The following MAP9 variants were observed in gnomAD, a reference collection of about 807,000 sequenced individuals.
MAP9 encodes microtubule-associated protein 9.
MAP9 carries 80 observed loss-of-function variants against 75.2 expected under a neutral mutation model. The ratio of observed to expected loss-of-function variants is 1.06; its 90% CI spans 0.89 to 1.28. MAP9 has a LOEUF of 1.28. MAP9 is among the 50% of genes most tolerant of loss of function. MAP9 has a pLI of 0.00. For synonymous variants in MAP9, 235 were observed against 237.3 expected, an observed-to-expected ratio of 0.99 and a Z score of 0.09; for missense variants, 753 against 719.9, an observed-to-expected ratio of 1.05 and a Z score of -0.53.
chr4:155,373,100 C>A, intron 4 of MAP9, 36 bp downstream of exon 4: 1 of 1,375,260 alleles, frequency 7.3e-7, no homozygotes, highest in South Asian at 1.5e-5. Context: ...AAATAAACTT[C>A]CAAGAAATGC....
intron 13 of MAP9, 44 bp downstream of exon 13, chr4:155,352,552 A>G: frequency 6.5e-7 from 1 of 1,549,784 alleles, no homozygotes; most frequent in Non-Finnish European, 8.7e-7. Flanking sequence ...AAGACACAAA[A>G]GGTACATGAA....
At chr4:155,351,264 A>G (rs1267863065) in intron 13 of MAP9, 1 of 151,944 alleles carries the variant, frequency 6.6e-6, no homozygotes, top group Non-Finnish European at 1.5e-5. Flanking sequence ...GCTACTTTAT[A>G]AAGGATACAT....
At chr4:155,368,463 A>AG (rs764727283) in intron 5 of MAP9, 123 bp downstream of exon 5, 1 of 774,524 alleles carries the variant, frequency 1.3e-6, no homozygotes, top group Non-Finnish European at 2.2e-6. Flanking sequence ...TATCAGTTGC[A>AG]GAAGAAAGTA....
chr4:155,351,066 C>T (rs1384746584), intron 13 of MAP9: 4 of 151,698 alleles, frequency 2.6e-5, no homozygotes, highest in African/African-American at 7.3e-5. Context: ...GTCAGAAAGA[C>T]TGTGAAAGAA....
At chr4:155,374,362 A>C (rs201832753) in intron 3 of MAP9, among the ~76,000 whole-genome samples, 1 of 149,508 alleles carries the variant, frequency 6.7e-6, no homozygotes, top group Non-Finnish European at 1.5e-5. Flanking sequence ...AACAAACAAA[A>C]ACACCAAGTT....
chr4:155,375,511 A>T (rs1732801078), intron 2 of MAP9, among the ~76,000 whole-genome samples: 1 of 152,104 alleles, frequency 6.6e-6, no homozygotes, highest in Non-Finnish European at 1.5e-5. Flanking sequence ...CAGAAAAAAA[A>T]GTTTTTATAT....
In MAP9 at chr4:155,373,302, C is replaced by T; in HGVS notation, c.315G>A (p.Glu105=). 6.2e-7 allele frequency: 1 copy of T among 1,613,802 alleles called. No individual in the cohort carries two copies. The highest frequency in any genetic ancestry group is 8.5e-7 in the Non-Finnish European group (1 of 1,179,912). Residue 105 remains glutamate (E), a synonymous_variant, in exon 4 of 14, where the codon GAG becomes GAA. Coordinates refer to ENST00000311277, the MANE Select transcript of MAP9 (RefSeq NM_001039580.2). The part of the protein sequence containing the change: ...NKSNGNITKD[E]PVCAIKNEEE... ...CTTCATTTTTGATGGCACACACTGGCTCATCTTTGGTTATGTTACCGTTTG... is the reference window on the plus strand; with the variant it reads ...CTTCATTTTTGATGGCACACACTGGTTCATCTTTGGTTATGTTACCGTTTG...
At chr4:155,362,502 C>G (rs1335153655) in intron 5 of MAP9, 1 of 162,432 alleles carries the variant, frequency 6.2e-6, no homozygotes, top group Non-Finnish European at 1.3e-5. Context: ...CTACAATTAT[C>G]CTTTGAAGGA....
chr4:155,350,673 C>G (rs375870241), intron 13 of MAP9, among the ~76,000 whole-genome samples: 48 of 151,798 alleles, frequency 3.2e-4, no homozygotes, highest in African/African-American at 1.1e-3. Flanking sequence ...CAAAATTGAA[C>G]CAATTTTGAT....
rs1180808382 is a variant in MAP9, at chr4:155,344,889, A to T, written c.*2894T>A. ...AAGTAATGTTTTAAAATATTCATAA[A>T]ATTTGTTTTCTTTACTTTGAGATCT... is the stretch of plus-strand genomic sequence containing the variant. On this transcript the variant is annotated 3_prime_UTR_variant, in exon 14 of 14. Transcript: ENST00000311277. The T allele has an allele frequency of 6.6e-6, 1 of 151,956 alleles. No homozygotes were observed. The highest frequency in any genetic ancestry group is 6.6e-5 in the Admixed American group (1 of 15,230). The allele number at this position is 151,956 out of a possible 1,614,324, so 9.4% of individuals were successfully genotyped here.
intron 13 of MAP9, 26 bp downstream of exon 13, chr4:155,352,569 GA>G: frequency 5.3e-6 from 8 of 1,519,732 alleles, no homozygotes; most frequent in Non-Finnish European, 7.1e-6. Context: ...TGAAAAAGAC[GA>G]AAGTGCATTG....
chr4:155,365,293 T>C (rs905352375), intron 5 of MAP9, among the ~76,000 whole-genome samples: 4 of 151,934 alleles, frequency 2.6e-5, no homozygotes, highest in African/African-American at 9.7e-5. Flanking sequence ...TTACCAGAGG[T>C]AGAGACGTTT....
rs1731256466 is a variant in MAP9 at position 155,345,594 on chromosome 4, G to A, written c.*2189C>T. 6.6e-6 allele frequency: 1 copy of A among 152,044 alleles called. No individual in the cohort carries two copies. Among genetic ancestry groups the A allele is most frequent in the Admixed American group, 6.6e-5 (1 of 15,234 alleles). 9.4% of individuals were successfully genotyped at this position (152,044 alleles called of 1,614,324 possible). The stretch of plus-strand genomic sequence containing the variant: ...TTCGCACACTCATGAATGGGGAAAT[G>A]TAGGGCTCATGGTAATAAATCAATA... On this transcript the variant is annotated 3_prime_UTR_variant, in exon 14 of 14. Coordinates refer to ENST00000311277, the MANE Select transcript of MAP9 (RefSeq NM_001039580.2).
At chr4:155,357,592 C>T (rs1731853684) in intron 7 of MAP9, 73 bp from the exon 8 acceptor site, 1 of 815,444 alleles carries the variant, frequency 1.2e-6, no homozygotes, top group African/African-American at 1.7e-5. Flanking sequence ...GCCAAACTGC[C>T]AGTAAATCAC....
chr4:155,364,559 T>G (rs140620112), intron 5 of MAP9, among the ~76,000 whole-genome samples: 1 of 148,118 alleles, frequency 6.8e-6, no homozygotes, highest in Non-Finnish European at 1.5e-5. Flanking sequence ...TAGAATGTTA[T>G]CTATAATATA....
At chr4:155,350,648 A>T (rs925897822) in intron 13 of MAP9, among the ~76,000 whole-genome samples, 73 of 152,114 alleles carry the variant, frequency 4.8e-4, no homozygotes, top group African/African-American at 1.7e-3. Context: ...ATCATGAAAC[A>T]CTACCTTTTT....
At chr4:155,372,625 AAAC>A (rs1323690319) in intron 4 of MAP9, among the ~76,000 whole-genome samples, 4 of 152,246 alleles carry the variant, frequency 2.6e-5, no homozygotes, top group Admixed American at 6.5e-5. Flanking sequence ...ATGCTTCAAC[AAAC>A]AACAGCAGCA....
At position 155,373,002 on chromosome 4, in the gene MAP9, A is replaced by G. The variant is rs573049830; in HGVS notation, c.481+134T>C. 2.8e-5 allele frequency: 16 copies of G among 578,818 alleles called. No homozygotes were observed. The East Asian group carries it at 4.3e-4, about 16-fold the overall frequency. 35.9% of individuals were successfully genotyped at this position (578,818 alleles called of 1,614,324 possible). On this transcript the variant is annotated intron_variant, in intron 4 of 13. Coordinates refer to ENST00000311277, the MANE Select transcript of MAP9 (RefSeq NM_001039580.2). ...TAAAATTGAAGTTAGACAAAATACA[A>G]CAGGTCTGTAAAATGGAAGTTAAGT...
intron 7 of MAP9, among the ~76,000 whole-genome samples, chr4:155,358,040 G>A (rs1054529848): frequency 1.3e-5 from 2 of 152,164 alleles, no homozygotes; most frequent in African/African-American, 4.8e-5. Flanking sequence ...CAGCGATGAG[G>A]AGTCTGGATG....
Sources: allele counts gnomAD v4.1 joint callset (sites outside exome capture counted in the v4.1 genomes callset), GRCh38; gene constraint gnomAD v4.1.1; transcripts MANE v1.5; gene names NCBI Gene and HGNC (gene_info 2026-07-23, HGNC 2026-07-21).